SLC17A6: variants seen among roughly 807,000 people sequenced by gnomAD.
The protein encoded by SLC17A6 is vesicular glutamate transporter 2.
Under a neutral mutation model 67.1 loss-of-function variants are expected in SLC17A6, and 35 were observed. The observed-to-expected ratio is 0.52, with a 90% confidence interval of 0.40 to 0.69. The LOEUF (loss-of-function observed/expected upper bound fraction) is 0.69. Among genes scored for constraint, SLC17A6 ranks in the 30% least tolerant of loss-of-function variants. The probability of loss-of-function intolerance (pLI) is 0.00; values close to 1 mark genes in which losing one functional copy is unlikely to be tolerated. For synonymous variants in SLC17A6, 285 were observed against 252.3 expected (o/e 1.13, Z -1.23); for missense variants, 588 against 723.9 (o/e 0.81, Z 2.15).
At chr11:22,375,113 C>T (rs545803335) in intron 9 of SLC17A6, among the ~76,000 whole-genome samples, 7 of 152,122 alleles carry the variant, frequency 4.6e-5, no homozygotes, top group Non-Finnish European at 7.3e-5. Context: ...TGGCTCATGC[C>T]TGTAATCCCA....
intron 1 of SLC17A6, among the ~76,000 whole-genome samples, 170 bp from the exon 2 acceptor site, chr11:22,341,358 G>A (rs1245748770): frequency 6.6e-6 from 1 of 152,174 alleles, no homozygotes; most frequent in African/African-American, 2.4e-5. Context: ...ATGTGAGAGA[G>A]CCTGGGAGGT....
chr11:22,345,237 T>C (rs529753249), intron 3 of SLC17A6, among the ~76,000 whole-genome samples: 34 of 152,216 alleles, frequency 2.2e-4, no homozygotes, highest in African/African-American at 8.2e-4. Flanking sequence ...AAACTCATTA[T>C]TATCTGTGTC....
intron 8 of SLC17A6, among the ~76,000 whole-genome samples, chr11:22,373,146 T>C (rs1316941563): frequency 6.6e-6 from 1 of 152,196 alleles, no homozygotes; most frequent in Non-Finnish European, 1.5e-5. Context: ...GTCAAAATGA[T>C]TGTTCAAATA....
At chr11:22,357,973 G>A (rs1292628349) in intron 3 of SLC17A6, among the ~76,000 whole-genome samples, 1 of 152,136 alleles carries the variant, frequency 6.6e-6, no homozygotes, top group Non-Finnish European at 1.5e-5. Flanking sequence ...AAAATTATTT[G>A]GCTAGTATAT....
intron 3 of SLC17A6, among the ~76,000 whole-genome samples, chr11:22,352,609 A>G (rs1250909881): frequency 6.6e-6 from 1 of 152,198 alleles, no homozygotes; most frequent in Non-Finnish European, 1.5e-5. Flanking sequence ...AGTTTAAAGA[A>G]GTGGAGACCT....
At chr11:22,369,028 G>T (rs184358466) in intron 7 of SLC17A6, among the ~76,000 whole-genome samples, 1 of 152,018 alleles carries the variant, frequency 6.6e-6, no homozygotes, top group East Asian at 1.9e-4. Context: ...TTCCATTCAG[G>T]AATAATTGTT....
At chr11:22,367,572 A>C (rs1380368936) in intron 7 of SLC17A6, among the ~76,000 whole-genome samples, 1 of 152,178 alleles carries the variant, frequency 6.6e-6, no homozygotes, top group East Asian at 1.9e-4. Context: ...AGTTATTTTG[A>C]GCAGAAGTTC....
In SLC17A6 at chr11:22,349,313, C is replaced by T. The variant is rs947460578; in HGVS notation, c.458+5948C>T. Reference sequence around the variant, plus strand: ...AGGCCAGAGGTGACTTTTTCTATCTCGTGCATCTAGCTGCCAATCAAACAT... The same window carrying T: ...AGGCCAGAGGTGACTTTTTCTATCTTGTGCATCTAGCTGCCAATCAAACAT... On this transcript the variant is annotated intron_variant, in intron 3 of 11. Coordinates refer to ENST00000263160, the MANE Select transcript of SLC17A6 (RefSeq NM_020346.3). Among the ~76,000 whole-genome samples, 7 of 152,166 alleles carry T rather than the reference C, an allele frequency of 4.6e-5. No homozygotes were observed. The East Asian group carries it at 7.7e-4, about 17-fold the overall frequency.
chr11:22,376,159 A>G, intron 10 of SLC17A6, 67 bp downstream of exon 10: 1 of 980,812 alleles, frequency 1.0e-6, no homozygotes. Context: ...AAAGACACAT[A>G]CATATACCTT....
At chr11:22,354,508 T>C (rs1855976886) in intron 3 of SLC17A6, among the ~76,000 whole-genome samples, 1 of 152,242 alleles carries the variant, frequency 6.6e-6, no homozygotes, top group African/African-American at 2.4e-5. Flanking sequence ...TTTAACTACT[T>C]ACTTCAAAAC....
At chr11:22,346,911 G>T (rs1163295469) in intron 3 of SLC17A6, among the ~76,000 whole-genome samples, 1 of 150,486 alleles carries the variant, frequency 6.6e-6, no homozygotes, top group African/African-American at 2.4e-5. Flanking sequence ...AGCAAAGGGA[G>T]TTTGATGAAC....
intron 11 of SLC17A6, 70 bp downstream of exon 11, chr11:22,376,742 A>G (rs1856236971): frequency 1.3e-6 from 2 of 1,532,492 alleles, no homozygotes; most frequent in African/African-American, 2.7e-5. Context: ...TTTGGAAAAG[A>G]GTTAAAATAT....
At chr11:22,366,867 C>T (rs893634330) in intron 7 of SLC17A6, among the ~76,000 whole-genome samples, 1 of 151,718 alleles carries the variant, frequency 6.6e-6, no homozygotes, top group African/African-American at 2.4e-5. Context: ...TTACCCGGGC[C>T]TGGTGGTGTG....
chr11:22,367,003 T>A (rs1196652206), intron 7 of SLC17A6, among the ~76,000 whole-genome samples: 1 of 65,400 alleles, frequency 1.5e-5, no homozygotes, highest in Non-Finnish European at 3.1e-5. Flanking sequence ...AGACTCCGTC[T>A]CGAAAAAAAA....
chr11:22,341,946 C>G (rs541899287), intron 2 of SLC17A6, among the ~76,000 whole-genome samples, 166 bp downstream of exon 2: 1 of 152,324 alleles, frequency 6.6e-6, no homozygotes, highest in Admixed American at 6.5e-5. Flanking sequence ...GTAGTGTTAT[C>G]AGTTCCCTTT....
chr11:22,347,446 C>A (rs1351023037), intron 3 of SLC17A6, among the ~76,000 whole-genome samples: 1 of 151,986 alleles, frequency 6.6e-6, no homozygotes, highest in African/African-American at 2.4e-5. Context: ...TTCTGAAGTG[C>A]CTGGAACTAG....
chr11:22,360,110 TA>T (rs11406721), intron 4 of SLC17A6, among the ~76,000 whole-genome samples: 187 of 142,134 alleles, frequency 1.3e-3, no homozygotes, highest in East Asian at 3.2e-3. Context: ...ATTAAGGCAC[TA>T]AAAAAAAAAA....
At chr11:22,371,352 C>G (rs535062053) in intron 8 of SLC17A6, among the ~76,000 whole-genome samples, 2 of 152,096 alleles carry the variant, frequency 1.3e-5, no homozygotes, top group Non-Finnish European at 2.9e-5. Context: ...TGAAGAAAAC[C>G]TCAGTTTAGG....
intron 8 of SLC17A6, among the ~76,000 whole-genome samples, chr11:22,370,834 G>A (rs1856167576): frequency 6.8e-6 from 1 of 147,516 alleles, no homozygotes; most frequent in African/African-American, 2.7e-5. Context: ...AACTTCCACA[G>A]ACATTTGTTC....
Sources: allele counts gnomAD v4.1 joint callset (sites outside exome capture counted in the v4.1 genomes callset), GRCh38; gene constraint gnomAD v4.1.1; transcripts MANE v1.5; gene names NCBI Gene and HGNC (gene_info 2026-07-23, HGNC 2026-07-21).